SUMF1: variants seen among roughly 807,000 people sequenced by gnomAD.
SUMF1 encodes the protein formylglycine-generating enzyme.
In SUMF1, 48 loss-of-function variants were observed where a neutral mutation model predicts 47.6. The ratio of observed to expected loss-of-function variants is 1.01; its 90% CI spans 0.80 to 1.28. The LOEUF is 1.28. SUMF1 is among the 50% of genes most tolerant of loss of function. SUMF1 has a pLI of 0.00. For missense variants in SUMF1, 571 were observed against 485.4 expected, an observed-to-expected ratio of 1.18 and a Z score of -1.66; for synonymous variants, 230 against 192.1, an observed-to-expected ratio of 1.20 and a Z score of -1.63.
intron 8 of SUMF1, among the ~76,000 whole-genome samples, chr3:4,302,218 G>C (rs1697986118): frequency 6.6e-6 from 1 of 152,072 alleles, no homozygotes; most frequent in South Asian, 2.1e-4. Context: ...AAGGTGGTTG[G>C]GATACAGCTT....
chr3:4,160,431 G>T (rs910439122), intron 8 of SUMF1, among the ~76,000 whole-genome samples: 3 of 151,970 alleles, frequency 2.0e-5, no homozygotes, highest in African/African-American at 7.3e-5. Context: ...GTAGAGATGG[G>T]ATTTCACCAT....
chr3:4,194,742 A>G (rs1695392033), intron 8 of SUMF1, among the ~76,000 whole-genome samples: 1 of 152,200 alleles, frequency 6.6e-6, no homozygotes, highest in Admixed American at 6.5e-5. Flanking sequence ...ATTCTATGCT[A>G]TAAAATATAC....
At chr3:4,051,934 T>C (rs1695119871) in intron 9 of SUMF1, among the ~76,000 whole-genome samples, 1 of 152,108 alleles carries the variant, frequency 6.6e-6, no homozygotes, top group Non-Finnish European at 1.5e-5. Context: ...ACCAAGAAAG[T>C]ATCAACTAAC....
chr3:4,195,960 G>A (rs1024070787), intron 8 of SUMF1, among the ~76,000 whole-genome samples: 20 of 152,020 alleles, frequency 1.3e-4, no homozygotes, highest in Non-Finnish European at 2.2e-4. Context: ...GGGAAAGAAT[G>A]GCTGACTGGT....
intron 8 of SUMF1, among the ~76,000 whole-genome samples, chr3:4,198,477 A>C (rs150999086): frequency 6.0e-4 from 92 of 152,246 alleles, no homozygotes; most frequent in Non-Finnish European, 5.7e-4. Context: ...CCTGCTTATT[A>C]ATCTACCTAA....
intron 7 of SUMF1, among the ~76,000 whole-genome samples, chr3:4,397,677 T>C (rs1005405301): frequency 6.6e-6 from 1 of 152,122 alleles, no homozygotes; most frequent in East Asian, 1.9e-4. Context: ...TTAGATGCCA[T>C]GTTTACTTCC....
At chr3:4,167,620 C>T (rs1002252934) in intron 8 of SUMF1, among the ~76,000 whole-genome samples, 12 of 152,128 alleles carry the variant, frequency 7.9e-5, no homozygotes, top group Admixed American at 2.0e-4. Context: ...TTACAATCCC[C>T]TTGTAAGACA....
At chr3:4,286,979 A>C (rs1293093834) in intron 8 of SUMF1, among the ~76,000 whole-genome samples, 1 of 152,198 alleles carries the variant, frequency 6.6e-6, no homozygotes, top group African/African-American at 2.4e-5. Context: ...CGAGATCATT[A>C]CAGGTGGTCT....
chr3:4,307,871 C>T (rs771975429), intron 8 of SUMF1, among the ~76,000 whole-genome samples: 1 of 152,046 alleles, frequency 6.6e-6, no homozygotes, highest in South Asian at 2.1e-4. Flanking sequence ...AAGTGAGACC[C>T]CATCTCTACA....
At chr3:4,267,751 G>T (rs1355797482) in intron 8 of SUMF1, among the ~76,000 whole-genome samples, 8 of 150,256 alleles carry the variant, frequency 5.3e-5, no homozygotes, top group African/African-American at 2.0e-4. Flanking sequence ...TGCTGGAGAG[G>T]ATGTGGAGAA....
chr3:4,228,538 T>C (rs1288484868), intron 8 of SUMF1, among the ~76,000 whole-genome samples: 1 of 152,278 alleles, frequency 6.6e-6, no homozygotes, highest in East Asian at 1.9e-4. Flanking sequence ...CATTCTCTGA[T>C]CTGCCCTCAC....
rs190925866 is a variant in SUMF1 at position 4,419,948 on chromosome 3, G to C, written c.602+116C>G. ...CTTATTTTCCTACCAATCAATTACA[G>C]TTTGTCATTCTTATCATTTTATAGA... On this transcript the variant is annotated intron_variant, in intron 4 of 8. Coordinates refer to ENST00000272902, the MANE Select transcript of SUMF1 (RefSeq NM_182760.4). The C allele has an allele frequency of 1.1e-4, 89 of 846,626 alleles. No homozygotes were observed. The African/African-American group carries it at 1.2e-3, about 12-fold the overall frequency. 52.4% of individuals were successfully genotyped at this position (846,626 alleles called of 1,614,324 possible).
At chr3:4,234,905 G>GGGCATTTGTAA (rs974577568) in intron 8 of SUMF1, among the ~76,000 whole-genome samples, 1 of 152,198 alleles carries the variant, frequency 6.6e-6, no homozygotes, top group Non-Finnish European at 1.5e-5. Context: ...GCATTATCAA[G>GGGCATTTGTAA]GGCATTTGTA....
chr3:4,348,736 G>T (rs1448336827), intron 8 of SUMF1, among the ~76,000 whole-genome samples: 1 of 151,938 alleles, frequency 6.6e-6, no homozygotes, highest in Non-Finnish European at 1.5e-5. Context: ...TTAGCCAGGT[G>T]TGGTGGCACA....
intron 8 of SUMF1, among the ~76,000 whole-genome samples, chr3:4,115,598 T>C (rs1693404490): frequency 6.6e-6 from 1 of 151,916 alleles, no homozygotes; most frequent in African/African-American, 2.4e-5. Flanking sequence ...TCCGACGGGT[T>C]TGGGCGAGCC....
chr3:4,080,032 C>T (rs1399863190), intron 8 of SUMF1, among the ~76,000 whole-genome samples: 1 of 151,880 alleles, frequency 6.6e-6, no homozygotes, highest in Non-Finnish European at 1.5e-5. Flanking sequence ...GAGTCAGAAT[C>T]CAAATGATCT....
At chr3:4,374,705 C>A (rs1700269025) in intron 8 of SUMF1, among the ~76,000 whole-genome samples, 1 of 152,110 alleles carries the variant, frequency 6.6e-6, no homozygotes, top group Non-Finnish European at 1.5e-5. Flanking sequence ...GAGAGATTCA[C>A]CTGTTTTCCA....
At chr3:4,228,194 C>G (rs1307415333) in intron 8 of SUMF1, among the ~76,000 whole-genome samples, 1 of 152,000 alleles carries the variant, frequency 6.6e-6, no homozygotes, top group Non-Finnish European at 1.5e-5. Context: ...AACTATGAAT[C>G]TTCAGTTTAT....
chr3:4,185,745 T>C (rs145843009), intron 8 of SUMF1, among the ~76,000 whole-genome samples: 99 of 152,284 alleles, frequency 6.5e-4, no homozygotes, highest in African/African-American at 2.3e-3. Context: ...TTATAAAAGA[T>C]TAATAAAGAG....
Sources: allele counts gnomAD v4.1 joint callset (sites outside exome capture counted in the v4.1 genomes callset), GRCh38; gene constraint gnomAD v4.1.1; transcripts MANE v1.5; gene names NCBI Gene and HGNC (gene_info 2026-07-23, HGNC 2026-07-21).